Variants in SLC2A12 observed in about 807,000 individuals in gnomAD.
SLC2A12 encodes solute carrier family 2, facilitated glucose transporter member 12.
SLC2A12 carries 23 observed loss-of-function variants against 41.8 expected under a neutral mutation model. The observed-to-expected ratio is 0.55, with a 90% CI of 0.40 to 0.78. SLC2A12 has a LOEUF of 0.78. Ranked by LOEUF, SLC2A12 falls within the 30% of genes least tolerant of loss-of-function variation. The pLI, the probability that SLC2A12 is intolerant of heterozygous loss-of-function variation, is 0.00. For synonymous variants in SLC2A12, 295 were observed against 285.9 expected, an observed-to-expected ratio of 1.03 and a Z score of -0.32; for missense variants, 654 against 745.6, an observed-to-expected ratio of 0.88 and a Z score of 1.43.
chr6:134,013,259 C>T (rs1031145754), intron 2 of SLC2A12, among the ~76,000 whole-genome samples: 5 of 151,874 alleles, frequency 3.3e-5, no homozygotes, highest in African/African-American at 1.2e-4. Context: ...TGCACTCCAG[C>T]CTGGGTGACA....
intron 1 of SLC2A12, among the ~76,000 whole-genome samples, chr6:134,046,796 CTG>C (rs1777461231): frequency 6.6e-6 from 1 of 152,196 alleles, no homozygotes; most frequent in South Asian, 2.1e-4. Flanking sequence ...GAGCAAAACT[CTG>C]TCTTACATTT....
intron 1 of SLC2A12, among the ~76,000 whole-genome samples, chr6:134,033,876 G>C (rs1025414198): frequency 1.3e-5 from 2 of 152,054 alleles, no homozygotes; most frequent in African/African-American, 4.8e-5. Flanking sequence ...CTAAGTGCTA[G>C]CTTCTCTGTC....
Position 133,991,236 on chromosome 6 carries a change from T to C in SLC2A12, c.1773A>G (p.Lys591=). 1 of 1,614,136 alleles carries C rather than the reference T, an allele frequency of 6.2e-7. No individual in the cohort carries two copies. The highest frequency in any genetic ancestry group is 8.5e-7 in the Non-Finnish European group (1 of 1,179,996). The change falls in exon 5 of 5, where the codon AAA becomes AAG. Residue 591 remains lysine (K), a synonymous_variant. Transcript: ENST00000275230. The part of the protein sequence containing the change: ...QEELVPKQPQ[K]RKPQEQLLEC... ...CCAAGAGCTGCTCCTGGGGTTTTCT[T>C]TTTTGAGGCTGTTTTGGCACTAATT...
rs1776561977 is a variant in SLC2A12 at position 133,987,945 on chromosome 6, C to T, written c.*3210G>A. The T allele has an allele frequency of 6.6e-6, 1 of 152,100 alleles. No individual in the cohort carries two copies. Among genetic ancestry groups the T allele is most frequent in the Non-Finnish European group, 1.5e-5 (1 of 67,990 alleles). 9.4% of individuals were successfully genotyped at this position (152,100 alleles called of 1,614,324 possible). On this transcript the variant is annotated 3_prime_UTR_variant, in exon 5 of 5. Coordinates refer to ENST00000275230, the MANE Select transcript of SLC2A12 (RefSeq NM_145176.3). ...TGTGATGAATGGTGCCTCATTTGGA[C>T]CTTTGTTTTTCTGGAAAGACTCAAC...
intron 1 of SLC2A12, among the ~76,000 whole-genome samples, chr6:134,034,701 T>A (rs994886962): frequency 4.6e-5 from 7 of 151,952 alleles, no homozygotes; most frequent in Non-Finnish European, 4.4e-5. Flanking sequence ...GAAGGTGGGG[T>A]TTGTGTTTGT....
Position 134,029,076 on chromosome 6 carries a change from A to G in SLC2A12, c.749T>C (p.Leu250Pro). 6.2e-7 allele frequency: 1 copy of G among 1,614,222 alleles called. No homozygotes were observed. The highest frequency in any genetic ancestry group is 8.5e-7 in the Non-Finnish European group (1 of 1,180,026). The change falls in exon 2 of 5, where the codon CTC becomes CCC. Residue 250 changes from leucine to proline, a missense_variant. Leu to Pro is a moderately conservative substitution (Grantham distance 98). Around this residue, in one of 3 missense-constraint regions of SLC2A12, gnomAD observed 411 missense variants for 412.1 expected, o/e 1.00. Transcript: ENST00000275230. ...TTTCAGGGAGGATTTGATCACAGTG[A>G]GTTCCTCAGTTGTATCTGAGAGTGC... ...LRALSDTTEE[L>P]TVIKSSLKDE... is the part of the protein sequence containing the mutation.
In SLC2A12 at chr6:134,052,429, T is replaced by A; in HGVS notation, c.52A>T (p.Thr18Ser). Reference sequence around the variant, plus strand: ...CCGCTGCCCTCCGTCTCCACGGCTGTCCCCTTCTGGTTCAGCAGACTGGGG... The same window carrying A: ...CCGCTGCCCTCCGTCTCCACGGCTGACCCCTTCTGGTTCAGCAGACTGGGG... ...EGPSLLNQKGTAVETEGSGSR... is the reference protein window; with the variant it reads ...EGPSLLNQKGSAVETEGSGSR... Residue 18 changes from threonine (T) to serine (S), a missense_variant, in exon 1 of 5, where the codon ACA becomes TCA. Thr to Ser is a moderately conservative substitution (Grantham distance 58). This residue lies in a region of SLC2A12 where 109 missense variants were observed against 153.0 expected (regional missense o/e 0.71). Transcript: ENST00000275230. 3 of 1,613,550 alleles carry A rather than the reference T, an allele frequency of 1.9e-6. No individual in the cohort carries two copies. The highest frequency in any genetic ancestry group is 2.2e-5 in the East Asian group (1 of 44,886).
In SLC2A12 at chr6:133,990,973, C is replaced by T. The variant is rs1421456847; in HGVS notation, c.*182G>A. 1 of 637,174 alleles carries T rather than the reference C, an allele frequency of 1.6e-6. No individual in the cohort carries two copies. The allele number at this position is 637,174 out of a possible 1,614,324, so 39.5% of individuals were successfully genotyped here. On this transcript the variant is annotated 3_prime_UTR_variant, in exon 5 of 5. Transcript: ENST00000275230. Reference sequence around the variant, plus strand: ...CACTTAGGACCTTGTACCTCATCTACCTTTTGAGGTTCCTTCTGGGGAGGA... The same window carrying T: ...CACTTAGGACCTTGTACCTCATCTATCTTTTGAGGTTCCTTCTGGGGAGGA...
At position 133,987,632 on chromosome 6, in the gene SLC2A12, G is replaced by A. The variant is rs1008802570; in HGVS notation, c.*3523C>T. On this transcript the variant is annotated 3_prime_UTR_variant, in exon 5 of 5. Coordinates refer to ENST00000275230, the MANE Select transcript of SLC2A12 (RefSeq NM_145176.3). ...TCTTTTTGAAGTGTATTTTGTGTGT[G>A]TGTGTGTGTGTGTGTGTATATATAT... The A allele has an allele frequency of 1.5e-5, 2 of 135,498 alleles. No individual in the cohort carries two copies. Among genetic ancestry groups the A allele is most frequent in the African/African-American group, 5.7e-5 (2 of 35,264 alleles). The allele number at this position is 135,498 out of a possible 1,614,324, so 8.4% of individuals were successfully genotyped here.
chr6:134,038,283 C>T (rs1292768450), intron 1 of SLC2A12, among the ~76,000 whole-genome samples: 1 of 151,606 alleles, frequency 6.6e-6, no homozygotes, highest in Non-Finnish European at 1.5e-5. Flanking sequence ...TAGTACTCCC[C>T]TGTGCTTTGA....
intron 2 of SLC2A12, among the ~76,000 whole-genome samples, chr6:134,024,032 G>A (rs990185530): frequency 3.3e-5 from 5 of 152,292 alleles, no homozygotes; most frequent in Admixed American, 1.3e-4. Context: ...CATTGGTGCC[G>A]GGCCCTAGCC....
intron 1 of SLC2A12, among the ~76,000 whole-genome samples, chr6:134,043,444 A>G (rs1426704773): frequency 1.3e-5 from 2 of 152,102 alleles, no homozygotes; most frequent in African/African-American, 4.8e-5. Context: ...AGACATGTAA[A>G]TGAGGATTTC....
At chr6:134,040,056 T>C (rs1777359880) in intron 1 of SLC2A12, among the ~76,000 whole-genome samples, 1 of 87,264 alleles carries the variant, frequency 1.1e-5, no homozygotes, top group African/African-American at 7.4e-5. Context: ...TTGTTGTTTT[T>C]TGTTTTTTTT....
intron 4 of SLC2A12, among the ~76,000 whole-genome samples, chr6:133,991,991 G>A (rs754586054): frequency 6.6e-6 from 1 of 152,062 alleles, no homozygotes; most frequent in Non-Finnish European, 1.5e-5. Context: ...GGGTGGGAGA[G>A]GACAGACTGT....
rs1236134278 is a variant in SLC2A12 at position 134,029,544 on chromosome 6, G to A, written c.281C>T (p.Ser94Leu). 1.5e-5 allele frequency: 24 copies of A among 1,614,028 alleles called. No homozygotes were observed. The highest frequency in any genetic ancestry group is 1.9e-5 in the Non-Finnish European group (22 of 1,180,036). Reference protein sequence around the residue: ...SSLVIGALLASLTGGVLIDRY... With the variant: ...SSLVIGALLALLTGGVLIDRY... ...GTCTATCAGGACCCCTCCGGTGAGT[G>A]AGGCAAGGAGGGCTCCAATGACGAG... is the stretch of plus-strand genomic sequence containing the variant. The change falls in exon 2 of 5, where the codon TCA becomes TTA. Residue 94 changes from serine (S) to leucine (L), a missense_variant. By Grantham distance (145) the Ser-to-Leu change is moderately radical (BLOSUM62 -2). Coordinates refer to ENST00000275230, the MANE Select transcript of SLC2A12 (RefSeq NM_145176.3).
chr6:134,016,839 G>A (rs1457808091), intron 2 of SLC2A12, among the ~76,000 whole-genome samples: 1 of 152,142 alleles, frequency 6.6e-6, no homozygotes, highest in African/African-American at 2.4e-5. Context: ...GATTTAATGT[G>A]ATTCTTAAGG....
intron 2 of SLC2A12, among the ~76,000 whole-genome samples, chr6:134,013,608 T>C (rs1354096892): frequency 1.3e-5 from 2 of 152,182 alleles, no homozygotes; most frequent in African/African-American, 2.4e-5. Context: ...AAAATGATTG[T>C]TCTCAAGATT....
chr6:134,000,013 AATTGATAGCCTT>A (rs1776736286), intron 4 of SLC2A12, among the ~76,000 whole-genome samples: 1 of 152,180 alleles, frequency 6.6e-6, no homozygotes, highest in Non-Finnish European at 1.5e-5. Flanking sequence ...TCGTGTTTGT[AATTGATAGCCTT>A]ATTCAGAGTC....
At chr6:133,997,485 C>T (rs896384556) in intron 4 of SLC2A12, among the ~76,000 whole-genome samples, 3 of 152,020 alleles carry the variant, frequency 2.0e-5, no homozygotes, top group Non-Finnish European at 2.9e-5. Flanking sequence ...TCAAAAAGAA[C>T]GAAATCATTT....
Sources: gnomAD v4.1 joint callset for allele counts (sites outside exome capture counted in the v4.1 genomes callset) on GRCh38, gnomAD v4.1.1 for gene constraint, gnomAD v4.1.1 regional missense constraint, MANE v1.5 for transcripts, NCBI Gene and HGNC (gene_info 2026-07-23, HGNC 2026-07-21) for gene names.